The following SLCO1B3 variants were observed in gnomAD, a reference collection of about 807,000 sequenced individuals.
SLCO1B3 encodes solute carrier organic anion transporter family member 1B3.
In SLCO1B3, 72 loss-of-function variants were observed where a neutral mutation model predicts 71.8. That is an observed-to-expected ratio of 1.00 (90% confidence interval 0.83 to 1.22). The LOEUF is 1.22. SLCO1B3 is among the 50% of genes most tolerant of loss of function. The pLI is 0.00. For missense variants in SLCO1B3, 911 were observed against 819.7 expected (o/e 1.11, Z -1.36); for synonymous variants, 298 against 278.4 (o/e 1.07, Z -0.70).
intron 3 of SLCO1B3, among the ~76,000 whole-genome samples, chr12:20,838,648 G>A (rs943542048): frequency 6.6e-6 from 1 of 151,958 alleles, no homozygotes; most frequent in Non-Finnish European, 1.5e-5. Context: ...GCCTGTTATT[G>A]TACTAAATAC....
At chr12:20,858,694 G>A in intron 5 of SLCO1B3, 123 bp downstream of exon 5, 1 of 806,652 alleles carries the variant, frequency 1.2e-6, no homozygotes. Context: ...GGTATGCATA[G>A]AGAAATGGAG....
In SLCO1B3 at chr12:20,902,655, A is replaced by G. The variant is rs544706790; in HGVS notation, c.1865+1188A>G. The stretch of plus-strand genomic sequence containing the variant: ...CAAGAACAGATAATAAAATATTTTA[A>G]AAACTGCATTACACAAGGTATTGTA... On this transcript the variant is annotated intron_variant, in intron 15 of 15. Transcript: ENST00000381545. 2.0e-5 allele frequency among the ~76,000 whole-genome samples: 3 copies of G among 152,324 alleles called. No homozygotes were observed. The East Asian group carries it at 5.8e-4, about 29-fold the overall frequency.
At chr12:20,913,177 G>A (rs540215911) in intron 15 of SLCO1B3, among the ~76,000 whole-genome samples, 2 of 152,026 alleles carry the variant, frequency 1.3e-5, no homozygotes, top group Non-Finnish European at 2.9e-5. Flanking sequence ...TCTGATAGAG[G>A]CATGTTGAAG....
chr12:20,824,149 C>T (rs1199821699), intron 3 of SLCO1B3, among the ~76,000 whole-genome samples: 1 of 152,076 alleles, frequency 6.6e-6, no homozygotes, highest in African/African-American at 2.4e-5. Flanking sequence ...AGTGAATTTA[C>T]TAAATTCACT....
intron 13 of SLCO1B3, 36 bp from the exon 14 acceptor site, chr12:20,898,400 G>A (rs1233765485): frequency 7.5e-7 from 1 of 1,336,322 alleles, no homozygotes; most frequent in Non-Finnish European, 1.1e-6. Context: ...ATTTTTTAAT[G>A]ACATGTATTA....
intron 8 of SLCO1B3, among the ~76,000 whole-genome samples, chr12:20,864,253 A>C (rs150345383): frequency 6.6e-6 from 1 of 151,878 alleles, no homozygotes; most frequent in African/African-American, 2.4e-5. Flanking sequence ...CATCAAGAGC[A>C]TGCCTTTATT....
In SLCO1B3 at chr12:20,904,755, C is replaced by CTTT. The variant is rs775996155; in HGVS notation, c.1865+3319_1865+3321dup. Among the ~76,000 whole-genome samples, 77 of 56,126 alleles carry CTTT rather than the reference C, an allele frequency of 1.4e-3. 7 individuals are homozygous for CTTT. Among genetic ancestry groups the CTTT allele is most frequent in the African/African-American group, 5.5e-3 (62 of 11,282 alleles). The allele number at this position is 56,126 out of a possible 152,430, so 36.8% of individuals were successfully genotyped here. A position where few individuals can be genotyped will look rare whatever the true frequency, so the allele number is the denominator to read the frequency against. On this transcript the variant is annotated intron_variant, in intron 15 of 15. Transcript: ENST00000381545. ...GCAGACTTCTGCCTGGACATCCAGG[C>CTTT]TTTTTTTTTTTTTTTTTTTTTTTTT...
chr12:20,860,019 G>A (rs903565572), intron 5 of SLCO1B3, among the ~76,000 whole-genome samples: 55 of 147,272 alleles, frequency 3.7e-4, no homozygotes, highest in African/African-American at 1.0e-3. Context: ...GCAGTGGCGC[G>A]ATCTCGGCTC....
chr12:20,875,328 T>C lies in SLCO1B3; in HGVS notation c.821T>C (p.Ile274Thr). Residue 274 changes from isoleucine to threonine, a missense_variant, in exon 9 of 16, where the codon ATA (isoleucine) becomes ACA (threonine). Ile to Thr is a moderately conservative substitution (Grantham distance 89, BLOSUM62 -1). Coordinates refer to ENST00000381545, the MANE Select transcript of SLCO1B3 (RefSeq NM_019844.4). ...GGACTATTTTCCATTATTTCTTCCATACCATTTTTTTTCTTGCCGAAAAAT... is the reference window on the plus strand; with the variant it reads ...GGACTATTTTCCATTATTTCTTCCACACCATTTTTTTTCTTGCCGAAAAAT... ...VSGLFSIISS[I>T]PFFFLPKNPN... 2 of 1,613,486 alleles carry C rather than the reference T, an allele frequency of 1.2e-6. No individual in the cohort carries two copies. The highest frequency in any genetic ancestry group is 1.7e-6 in the Non-Finnish European group (2 of 1,179,630).
intron 3 of SLCO1B3, among the ~76,000 whole-genome samples, chr12:20,827,396 G>C (rs746820379): frequency 1.3e-5 from 2 of 152,194 alleles, no homozygotes; most frequent in East Asian, 1.9e-4. Flanking sequence ...TAAAGTATTT[G>C]ATTTAAATGC....
At chr12:20,915,971 T>TA in intron 15 of SLCO1B3, 33 bp from the exon 16 acceptor site, 1 of 1,523,054 alleles carries the variant, frequency 6.6e-7, no homozygotes, top group African/African-American at 1.4e-5. Context: ...ACATTTAAAA[T>TA]AATAATCGAC....
chr12:20,846,045 A>G (rs74065205), intron 3 of SLCO1B3, among the ~76,000 whole-genome samples: 3 of 151,712 alleles, frequency 2.0e-5, no homozygotes, highest in East Asian at 1.9e-4. Flanking sequence ...AGCTATTCTT[A>G]CATCAGATAA....
At chr12:20,878,450 A>G (rs1037051007) in intron 10 of SLCO1B3, among the ~76,000 whole-genome samples, 4 of 152,200 alleles carry the variant, frequency 2.6e-5, no homozygotes, top group East Asian at 1.9e-4. Flanking sequence ...TACAATGCCT[A>G]TTTTCAAAGT....
At position 20,853,745 on chromosome 12, in the gene SLCO1B3, A is replaced by G. The variant is rs116118290; in HGVS notation, c.85-1283A>G. Among the ~76,000 whole-genome samples, 842 of 151,740 alleles carry G rather than the reference A, an allele frequency of 5.5e-3. 14 individuals are homozygous for G. Among genetic ancestry groups the G allele is most frequent in the African/African-American group, 0.02 (823 of 41,446 alleles). On this transcript the variant is annotated intron_variant, in intron 3 of 15. Coordinates refer to ENST00000381545, the MANE Select transcript of SLCO1B3 (RefSeq NM_019844.4). ...TTTATTTTTTCTACTCTAATGTTTA[A>G]TATTTTCTTCGTCTCTTAATTTCAG...
Position 20,904,238 on chromosome 12 carries a change from T to TAA in SLCO1B3, c.1865+2784_1865+2785dup, listed in dbSNP as rs71043217. Among the ~76,000 whole-genome samples, 442 of 143,088 alleles carry TAA rather than the reference T, an allele frequency of 3.1e-3. 5 individuals are homozygous for TAA. The highest frequency in any genetic ancestry group is 0.026 in the South Asian group (116 of 4,464). 93.9% of individuals were successfully genotyped at this position (143,088 alleles called of 152,430 possible). On this transcript the variant is annotated intron_variant, in intron 15 of 15. Coordinates refer to ENST00000381545, the MANE Select transcript of SLCO1B3 (RefSeq NM_019844.4). ...CTGGGCAACAGAGCGAGACTCTGTCTAAAAAAAAAAAAAATTAGTTACTTC... is the reference window on the plus strand; with the variant it reads ...CTGGGCAACAGAGCGAGACTCTGTCTAAAAAAAAAAAAAAAATTAGTTACTTC...
intron 1 of SLCO1B3, 59 bp from the exon 2 acceptor site, chr12:20,813,464 CT>C (rs1329002566): frequency 6.6e-6 from 1 of 152,152 alleles, no homozygotes; most frequent in African/African-American, 2.4e-5. Context: ...CTCTGCCTTC[CT>C]CTCTCAGCTC....
intron 3 of SLCO1B3, among the ~76,000 whole-genome samples, chr12:20,826,092 G>A (rs768392708): frequency 2.0e-5 from 3 of 152,118 alleles, no homozygotes; most frequent in Admixed American, 1.3e-4. Flanking sequence ...AATGTAAACC[G>A]TACTTGAATT....
At chr12:20,840,072 C>T (rs936098220) in intron 3 of SLCO1B3, among the ~76,000 whole-genome samples, 7 of 152,194 alleles carry the variant, frequency 4.6e-5, no homozygotes, top group Non-Finnish European at 7.4e-5. Context: ...GTCTCTTTTA[C>T]TTTTATAGCC....
At chr12:20,900,378 A>G (rs958857861) in intron 14 of SLCO1B3, among the ~76,000 whole-genome samples, 7 of 152,370 alleles carry the variant, frequency 4.6e-5, no homozygotes, top group African/African-American at 1.7e-4. Flanking sequence ...GAACAAGAAC[A>G]AAGTAAAATC....
Sources: allele counts gnomAD v4.1 joint callset (sites outside exome capture counted in the v4.1 genomes callset), GRCh38; gene constraint gnomAD v4.1.1; transcripts MANE v1.5; gene names NCBI Gene and HGNC (gene_info 2026-07-23, HGNC 2026-07-21).